The following CYP20A1 variants were observed in gnomAD, a reference collection of about 807,000 sequenced individuals.
The protein encoded by CYP20A1 is cytochrome P450 family 20 subfamily A member 1.
In CYP20A1, 61 loss-of-function variants were observed where a neutral mutation model predicts 61.4. The observed-to-expected ratio is 0.99, with a 90% CI of 0.81 to 1.23. CYP20A1 has a LOEUF of 1.23. Ranked by LOEUF, CYP20A1 falls within the 50% of genes most tolerant of loss-of-function variation. The pLI is 0.00. For synonymous variants in CYP20A1, 193 were observed against 188.2 expected, an observed-to-expected ratio of 1.03 and a Z score of -0.21; for missense variants, 530 against 542.4, an observed-to-expected ratio of 0.98 and a Z score of 0.23.
chr2:203,266,579 G>A lies in CYP20A1; in HGVS notation c.498G>A (p.Gln166=). 6.2e-7 allele frequency: 1 copy of A among 1,614,022 alleles called. No homozygotes were observed. Among genetic ancestry groups the A allele is most frequent in the Non-Finnish European group, 8.5e-7 (1 of 1,179,944 alleles). ...AGACCCAGCACGTGCCCCTCAGCCA[G>A]CATATGCTTGGTTTTGCTATGAAGT... ...YPETQHVPLS[Q]HMLGFAMKSV... The change falls in exon 5 of 13, where the codon CAG becomes CAA. Residue 166 remains glutamine (Q), a synonymous_variant. Coordinates refer to ENST00000356079, the MANE Select transcript of CYP20A1 (RefSeq NM_177538.3).
intron 8 of CYP20A1, among the ~76,000 whole-genome samples, chr2:203,283,747 C>T (rs1337952538): frequency 1.3e-5 from 2 of 151,420 alleles, no homozygotes; most frequent in Non-Finnish European, 2.9e-5. Flanking sequence ...CAGGGTTTCA[C>T]CATGTTGGCC....
chr2:203,263,846 A>G (rs981801868), intron 4 of CYP20A1, among the ~76,000 whole-genome samples: 1 of 152,080 alleles, frequency 6.6e-6, no homozygotes, highest in Admixed American at 6.6e-5. Context: ...TGTTTTTGGT[A>G]AATAAAATGG....
intron 1 of CYP20A1, 64 bp from the exon 2 acceptor site, chr2:203,245,782 G>T: frequency 1.1e-6 from 1 of 897,856 alleles, no homozygotes; most frequent in Non-Finnish European, 1.7e-6. Flanking sequence ...CAGATGTGTT[G>T]GTGAAACACA....
At chr2:203,261,365 C>T (rs1240884208) in intron 4 of CYP20A1, among the ~76,000 whole-genome samples, 1 of 151,534 alleles carries the variant, frequency 6.6e-6, no homozygotes, top group Non-Finnish European at 1.5e-5. Flanking sequence ...TAAGACCATC[C>T]TGGGCAAAAT....
intron 6 of CYP20A1, among the ~76,000 whole-genome samples, chr2:203,276,087 G>GAACA (rs1239023352): frequency 2.0e-5 from 3 of 152,198 alleles, no homozygotes; most frequent in Non-Finnish European, 2.9e-5. Context: ...CACTCATGCA[G>GAACA]AACATGTGGA....
intron 4 of CYP20A1, among the ~76,000 whole-genome samples, chr2:203,258,275 A>G (rs1367450268): frequency 2.0e-5 from 3 of 151,766 alleles, no homozygotes; most frequent in African/African-American, 4.8e-5. Flanking sequence ...ATTCCCAACT[A>G]CTCAGGAGGA....
At chr2:203,265,563 CTA>C (rs2067290347) in intron 4 of CYP20A1, among the ~76,000 whole-genome samples, 1 of 152,146 alleles carries the variant, frequency 6.6e-6, no homozygotes, top group African/African-American at 2.4e-5. Flanking sequence ...CTGTGTGTAT[CTA>C]TGTCTTAAAT....
chr2:203,257,437 T>TAAATATC (rs753922579), intron 4 of CYP20A1, among the ~76,000 whole-genome samples: 57 of 152,154 alleles, frequency 3.7e-4, no homozygotes, highest in Non-Finnish European at 6.9e-4. Context: ...TTTTTGTATT[T>TAAATATC]AAATATCTGG....
intron 10 of CYP20A1, among the ~76,000 whole-genome samples, chr2:203,290,595 T>A (rs2068491589): frequency 6.6e-6 from 1 of 152,208 alleles, no homozygotes; most frequent in African/African-American, 2.4e-5. Flanking sequence ...GACTCATTAT[T>A]ATTAATGGCT....
chr2:203,282,828 C>G (rs2068098554), intron 8 of CYP20A1, among the ~76,000 whole-genome samples: 1 of 152,108 alleles, frequency 6.6e-6, no homozygotes, highest in Non-Finnish European at 1.5e-5. Flanking sequence ...AGTTTAGCTC[C>G]AGATGACCTT....
intron 3 of CYP20A1, 88 bp downstream of exon 3, chr2:203,247,009 C>A: frequency 7.5e-7 from 1 of 1,330,668 alleles, no homozygotes; most frequent in Non-Finnish European, 1.0e-6. Flanking sequence ...ACCTGTAATC[C>A]CAACACTTTG....
chr2:203,283,956 A>G (rs915141548), intron 8 of CYP20A1, among the ~76,000 whole-genome samples: 5 of 152,196 alleles, frequency 3.3e-5, no homozygotes, highest in Admixed American at 1.3e-4. Context: ...ATGTTGTAAA[A>G]TTGTGTGACA....
intron 4 of CYP20A1, among the ~76,000 whole-genome samples, chr2:203,264,019 TTAGAGA>T (rs2067237434): frequency 6.6e-6 from 1 of 152,082 alleles, no homozygotes; most frequent in East Asian, 1.9e-4. Flanking sequence ...TGTTTTTGTT[TTAGAGA>T]CATTTCTTGC....
intron 4 of CYP20A1, among the ~76,000 whole-genome samples, chr2:203,254,000 T>G (rs2066799541): frequency 1.3e-5 from 2 of 152,206 alleles, no homozygotes; most frequent in South Asian, 2.1e-4. Context: ...CAGGCTGGAA[T>G]GCAGTGGCGT....
In CYP20A1 at chr2:203,301,680, A is replaced by G. The variant is rs534783693; in HGVS notation, c.*4772A>G. On this transcript the variant is annotated 3_prime_UTR_variant, in exon 13 of 13. Transcript: ENST00000356079. ...TTGGGAAAATTAAAAAAACTTACATAGTGCTTATTTGGCCCACAAAAGTAC... is the reference window on the plus strand; with the variant it reads ...TTGGGAAAATTAAAAAAACTTACATGGTGCTTATTTGGCCCACAAAAGTAC... 6.6e-6 allele frequency among the ~76,000 whole-genome samples: 1 copy of G among 152,234 alleles called. No individual in the cohort carries two copies. Among genetic ancestry groups the G allele is most frequent in the Non-Finnish European group, 1.5e-5 (1 of 68,028 alleles).
intron 9 of CYP20A1, among the ~76,000 whole-genome samples, chr2:203,286,320 C>T (rs1199212440): frequency 6.6e-6 from 1 of 152,094 alleles, no homozygotes; most frequent in African/African-American, 2.4e-5. Context: ...ATGATAGGCT[C>T]TTAAAAAGTT....
At position 203,252,078 on chromosome 2, in the gene CYP20A1, C is replaced by A. The variant is rs1172618915; in HGVS notation, c.401C>A (p.Ser134Tyr). The A allele has an allele frequency of 5.0e-6, 8 of 1,608,510 alleles. No homozygotes were observed. Among genetic ancestry groups the A allele is most frequent in the Non-Finnish European group, 6.8e-6 (8 of 1,177,172 alleles). ...KKLYENGVTD[S>Y]LKSNFALLLK... Reference sequence around the variant, plus strand: ...TTGTATGAAAATGGTGTGACTGATTCTCTGAAGAGTAACTTTGCCCTCCTC... The same window carrying A: ...TTGTATGAAAATGGTGTGACTGATTATCTGAAGAGTAACTTTGCCCTCCTC... The change falls in exon 4 of 13, where the codon TCT becomes TAT. Residue 134 changes from serine (S) to tyrosine (Y), a missense_variant. Physicochemically the swap from Ser to Tyr is moderately radical, Grantham distance 144 (BLOSUM62 -2). Transcript: ENST00000356079.
chr2:203,262,811 C>T (rs1052176103), intron 4 of CYP20A1, among the ~76,000 whole-genome samples: 1 of 151,662 alleles, frequency 6.6e-6, no homozygotes, highest in African/African-American at 2.4e-5. Context: ...GCCTCAGCCT[C>T]GTGAGTAGCT....
At chr2:203,287,028 C>A (rs369870561) in intron 9 of CYP20A1, among the ~76,000 whole-genome samples, 1 of 150,876 alleles carries the variant, frequency 6.6e-6, no homozygotes, top group African/African-American at 2.4e-5. Flanking sequence ...CCAGCCAGAG[C>A]AACATGGCAA....
Sources: gnomAD v4.1 joint callset for allele counts (sites outside exome capture counted in the v4.1 genomes callset) on GRCh38, gnomAD v4.1.1 for gene constraint, MANE v1.5 for transcripts, NCBI Gene and HGNC (gene_info 2026-07-23, HGNC 2026-07-21) for gene names.